Variants in SLC5A11 observed in about 807,000 individuals in gnomAD.
SLC5A11 encodes solute carrier family 5 member 11, also known as sodium/myo-inositol cotransporter 2.
SLC5A11 carries 48 observed loss-of-function variants against 69.8 expected under a neutral mutation model. The ratio of observed to expected loss-of-function variants is 0.69; its 90% CI spans 0.55 to 0.87. The LOEUF (loss-of-function observed/expected upper bound fraction) is 0.87. Ranked by LOEUF, SLC5A11 falls within the 40% of genes least tolerant of loss-of-function variation. The pLI is 0.00. For synonymous variants in SLC5A11, 319 were observed against 342.4 expected (o/e 0.93, Z 0.75); for missense variants, 784 against 866.1 (o/e 0.91, Z 1.19).
intron 8 of SLC5A11, 146 bp from the exon 10 acceptor site, chr16:24,890,723 T>G (rs1199402288): frequency 2.9e-6 from 2 of 689,372 alleles, no homozygotes; most frequent in Admixed American, 2.4e-5. Flanking sequence ...TAAAAAAATG[T>G]GGGGAGGAGG....
intron 1 of SLC5A11, among the ~76,000 whole-genome samples, chr16:24,849,593 A>AAAAAAAAAAAAAAATAT: frequency 5.6e-5 from 2 of 35,922 alleles, no homozygotes; most frequent in African/African-American, 9.2e-5. Context: ...AAAAAAAAAA[A>AAAAAAAAAAAAAAATAT]ATATATATAT....
chr16:24,902,953 TCTATCATATGA>T (rs1421934792), intron 10 of SLC5A11, among the ~76,000 whole-genome samples: 1 of 152,208 alleles, frequency 6.6e-6, no homozygotes, highest in Non-Finnish European at 1.5e-5. Context: ...ATTGAAATAC[TCTATCATATGA>T]TACAAGCAAG....
intron 10 of SLC5A11, among the ~76,000 whole-genome samples, chr16:24,906,048 T>C (rs2050033711): frequency 6.6e-6 from 1 of 152,116 alleles, no homozygotes; most frequent in East Asian, 1.9e-4. Context: ...AATCTACGTA[T>C]AGGAAATGAT....
chr16:24,909,217 A>T, intron 14 of SLC5A11, 121 bp downstream of exon 15: 1 of 982,188 alleles, frequency 1.0e-6, no homozygotes, highest in African/African-American at 1.6e-5. Context: ...TCCAGGGTTG[A>T]GGTTCAGGGG....
intron 6 of SLC5A11, among the ~76,000 whole-genome samples, chr16:24,876,176 A>G (rs1237802595): frequency 1.3e-5 from 2 of 151,898 alleles, no homozygotes; most frequent in East Asian, 3.9e-4. Context: ...AGCCTGGGTG[A>G]AAGAGCGAGA....
intron 9 of SLC5A11, among the ~76,000 whole-genome samples, chr16:24,894,323 C>A (rs1011399477): frequency 1.3e-5 from 2 of 152,102 alleles, no homozygotes; most frequent in African/African-American, 2.4e-5. Flanking sequence ...CCTTTCCCAC[C>A]CCAAGGAAGG....
chr16:24,906,014 G>T (rs1351347777), intron 10 of SLC5A11, among the ~76,000 whole-genome samples: 1 of 152,132 alleles, frequency 6.6e-6, no homozygotes, highest in Admixed American at 6.6e-5. Context: ...AGGCATCAGA[G>T]GGTGTGAAGC....
chr16:24,894,077 TC>T (rs2048989664), intron 9 of SLC5A11, among the ~76,000 whole-genome samples: 1 of 152,158 alleles, frequency 6.6e-6, no homozygotes, highest in Admixed American at 6.5e-5. Flanking sequence ...ACAGTTATCA[TC>T]CCCATTTTAC....
exon 13 of SLC5A11, chr16:24,907,990 C>T (rs1444083291): frequency 1.2e-6 from 2 of 1,613,986 alleles, no homozygotes; most frequent in African/African-American, 1.3e-5. Context: ...TGGTCCTGGT[C>T]TCCATCCTCT....
At chr16:24,883,223 G>A (rs996963528) in intron 7 of SLC5A11, among the ~76,000 whole-genome samples, 3 of 151,696 alleles carry the variant, frequency 2.0e-5, no homozygotes, top group Non-Finnish European at 1.5e-5. Flanking sequence ...AAATTAGCCA[G>A]GCATGGTGGC....
chr16:24,888,781 T>TC (rs1175025528), intron 8 of SLC5A11, among the ~76,000 whole-genome samples: 5 of 114,700 alleles, frequency 4.4e-5, no homozygotes, highest in African/African-American at 1.7e-4. Context: ...ACCGTGCCTG[T>TC]CCTTTTTTTT....
At chr16:24,867,709 ATATAGT>A (rs1427878877) in intron 3 of SLC5A11, among the ~76,000 whole-genome samples, 6 of 152,212 alleles carry the variant, frequency 3.9e-5, no homozygotes, top group Non-Finnish European at 7.3e-5. Context: ...TGGAAATTAA[ATATAGT>A]TATAAGGAAA....
At chr16:24,903,337 C>A (rs1007445053) in intron 10 of SLC5A11, among the ~76,000 whole-genome samples, 1 of 152,112 alleles carries the variant, frequency 6.6e-6, no homozygotes. Flanking sequence ...AAATATTTAT[C>A]ATTTCTTTGT....
intron 1 of SLC5A11, chr16:24,846,847 A>G (rs1268020122): frequency 1.3e-5 from 2 of 152,226 alleles, no homozygotes; most frequent in Non-Finnish European, 2.9e-5. Flanking sequence ...ATAGGAATGT[A>G]TTTACTACAA....
At chr16:24,851,189 G>T (rs563019321) in intron 1 of SLC5A11, among the ~76,000 whole-genome samples, 1 of 151,974 alleles carries the variant, frequency 6.6e-6, no homozygotes, top group Non-Finnish European at 1.5e-5. Flanking sequence ...GGAATGCAGT[G>T]GTGCAATCAT....
chr16:24,884,902 G>A (rs60857826), intron 8 of SLC5A11, among the ~76,000 whole-genome samples: 1,544 of 151,518 alleles, frequency 0.01, 29 homozygotes, highest in African/African-American at 0.036. Flanking sequence ...CACCATCCCT[G>A]GCTAATTTTT....
At chr16:24,883,264 C>A (rs1183877443) in intron 7 of SLC5A11, among the ~76,000 whole-genome samples, 1 of 151,952 alleles carries the variant, frequency 6.6e-6, no homozygotes, top group Admixed American at 6.6e-5. Context: ...ACTTGGGGGA[C>A]TGAGACAGGA....
intron 8 of SLC5A11, among the ~76,000 whole-genome samples, chr16:24,887,642 A>G: frequency 6.6e-6 from 1 of 152,188 alleles, no homozygotes; most frequent in South Asian, 2.1e-4. Flanking sequence ...AGTTATTACA[A>G]TACAAGTACA....
At chr16:24,905,516 G>A (rs1393803298) in intron 10 of SLC5A11, among the ~76,000 whole-genome samples, 1 of 152,120 alleles carries the variant, frequency 6.6e-6, no homozygotes, top group Middle Eastern at 3.4e-3. Context: ...GTACATGCCT[G>A]TAATTCCAGC....
Sources: gnomAD v4.1 joint callset for allele counts (sites outside exome capture counted in the v4.1 genomes callset) on GRCh38, gnomAD v4.1.1 for gene constraint, MANE v1.5 for transcripts, NCBI Gene and HGNC (gene_info 2026-07-23, HGNC 2026-07-21) for gene names.